Variants in PLXNC1 observed in about 807,000 individuals in gnomAD.
The protein encoded by PLXNC1 is plexin C1, also known as plexin-C1.
In PLXNC1, 75 loss-of-function variants were observed where a neutral mutation model predicts 178.2. That is an observed-to-expected ratio of 0.42 (90% CI 0.35 to 0.51). PLXNC1 has a LOEUF of 0.51. PLXNC1 is among the 20% of genes least tolerant of loss of function. The pLI is 0.02. For missense variants in PLXNC1, 1,503 were observed against 1,984.4 expected, an observed-to-expected ratio of 0.76 and a Z score of 4.61; for synonymous variants, 790 against 779.9, an observed-to-expected ratio of 1.01 and a Z score of -0.22.
At position 94,301,067 on chromosome 12, in the gene PLXNC1, A is replaced by T. The variant is rs1476887903; in HGVS notation, c.4386+10A>T. On this transcript the variant is annotated intron_variant, in intron 28 of 30. Coordinates refer to ENST00000258526, the MANE Select transcript of PLXNC1 (RefSeq NM_005761.3). ...GCAGCAACTAGGGAAGGTAAGGCCC[A>T]GCTTGAGTATTTCTTGTATGCAGTC... The T allele has an allele frequency of 6.2e-7, 1 of 1,613,056 alleles. No homozygotes were observed. Among genetic ancestry groups the T allele is most frequent in the Admixed American group, 1.7e-5 (1 of 59,976 alleles).
intron 23 of PLXNC1, among the ~76,000 whole-genome samples, chr12:94,289,370 C>T (rs1967043793): frequency 1.3e-5 from 2 of 152,210 alleles, no homozygotes; most frequent in Admixed American, 1.3e-4. Context: ...CGCTTGTTGT[C>T]ACATCGAATC....
chr12:94,298,913 T>G (rs1454706935), intron 27 of PLXNC1, 118 bp downstream of exon 27: 2 of 979,552 alleles, frequency 2.0e-6, no homozygotes, highest in Non-Finnish European at 3.0e-6. Flanking sequence ...ATCTTTGGGC[T>G]TGGTAAGCTA....
intron 5 of PLXNC1, among the ~76,000 whole-genome samples, chr12:94,213,499 C>T (rs1417442236): frequency 2.0e-5 from 3 of 151,992 alleles, no homozygotes; most frequent in South Asian, 2.1e-4. Flanking sequence ...TTGATGGGGT[C>T]GTTTGCTTTT....
Position 94,240,476 on chromosome 12 carries a change from C to T in PLXNC1, c.2121-9C>T. 1.2e-6 allele frequency: 2 copies of T among 1,607,862 alleles called. No individual in the cohort carries two copies. The highest frequency in any genetic ancestry group is 1.1e-5 in the South Asian group (1 of 90,354). On this transcript the variant is annotated splice_polypyrimidine_tract_variant and intron_variant, in intron 10 of 30. Coordinates refer to ENST00000258526, the MANE Select transcript of PLXNC1 (RefSeq NM_005761.3). Reference sequence around the variant, plus strand: ...GTCATGTGAGAGTTCTTTTTCTACTCTTTTCTAGGATACAGGTTAGCCATG... The same window carrying T: ...GTCATGTGAGAGTTCTTTTTCTACTTTTTTCTAGGATACAGGTTAGCCATG...
At position 94,208,113 on chromosome 12, in the gene PLXNC1, A is replaced by G. The variant is rs1008787954; in HGVS notation, c.1440-1477A>G. ...CTCTCTGACATTGACAGGCGGTTTA[A>G]TTTGAACTTAATGTCTTTGACGGAT... On this transcript the variant is annotated intron_variant, in intron 4 of 30. Transcript: ENST00000258526. Among the ~76,000 whole-genome samples, 6 of 152,306 alleles carry G rather than the reference A, an allele frequency of 3.9e-5. No individual in the cohort carries two copies. The East Asian group carries it at 1.2e-3, about 29-fold the overall frequency.
intron 21 of PLXNC1, among the ~76,000 whole-genome samples, chr12:94,268,909 T>C (rs1194896349): frequency 6.6e-6 from 1 of 152,184 alleles, no homozygotes; most frequent in African/African-American, 2.4e-5. Context: ...ATAAGACCTA[T>C]TGCTCTGCTG....
At chr12:94,186,901 A>T (rs1032453675) in intron 4 of PLXNC1, 1 of 169,014 alleles carries the variant, frequency 5.9e-6, no homozygotes, top group South Asian at 1.4e-4. Flanking sequence ...AAGCCTCGTT[A>T]TTGATGGCGC....
rs759174100 is a variant in PLXNC1, at chr12:94,181,441, A to T, written c.1204-5A>T. 2.0e-6 allele frequency: 3 copies of T among 1,527,222 alleles called. No homozygotes were observed. The highest frequency in any genetic ancestry group is 2.7e-6 in the Non-Finnish European group (3 of 1,125,734). The allele number at this position is 1,527,222 out of a possible 1,614,324, so 94.6% of individuals were successfully genotyped here. A position where few individuals can be genotyped will look rare whatever the true frequency, so the allele number is the denominator to read the frequency against. ...CATGTTTCTCTTTTTGAAAAAAAAAAATAGGTTATTCTTGGTGAGAATTTG... is the reference window on the plus strand; with the variant it reads ...CATGTTTCTCTTTTTGAAAAAAAAATATAGGTTATTCTTGGTGAGAATTTG... On this transcript the variant is annotated splice_polypyrimidine_tract_variant and splice_region_variant and intron_variant, in intron 2 of 30. Transcript: ENST00000258526.
At chr12:94,202,149 G>A (rs1386554956) in intron 4 of PLXNC1, among the ~76,000 whole-genome samples, 1 of 152,014 alleles carries the variant, frequency 6.6e-6, no homozygotes, top group African/African-American at 2.4e-5. Flanking sequence ...GTCTAAAGTG[G>A]GTTCCTTTCT....
chr12:94,279,816 GTC>G (rs1469598933), intron 22 of PLXNC1, 167 bp downstream of exon 22: 1 of 719,136 alleles, frequency 1.4e-6, no homozygotes, highest in South Asian at 1.5e-5. Flanking sequence ...GACTGCTTTG[GTC>G]TCTCATGGGC....
chr12:94,207,238 A>G (rs1472420508), intron 4 of PLXNC1, among the ~76,000 whole-genome samples: 1 of 152,030 alleles, frequency 6.6e-6, no homozygotes, highest in African/African-American at 2.4e-5. Context: ...TTTTTTATAT[A>G]TATATAAAAA....
At chr12:94,297,076 G>A in intron 24 of PLXNC1, 113 bp from the exon 25 acceptor site, 1 of 988,152 alleles carries the variant, frequency 1.0e-6, no homozygotes, top group South Asian at 1.4e-5. Flanking sequence ...AAGTCAAAAA[G>A]CTCAAGTAAC....
intron 12 of PLXNC1, among the ~76,000 whole-genome samples, chr12:94,246,218 G>A (rs1447763664): frequency 6.6e-6 from 1 of 152,228 alleles, no homozygotes; most frequent in East Asian, 1.9e-4. Flanking sequence ...GCACAGCTGA[G>A]TTTGGAGAGG....
intron 27 of PLXNC1, among the ~76,000 whole-genome samples, chr12:94,300,002 TG>T (rs1410317094): frequency 6.6e-6 from 1 of 152,018 alleles, no homozygotes; most frequent in African/African-American, 2.4e-5. Flanking sequence ...TAGCAGCATA[TG>T]GGGGAGGTAA....
At chr12:94,301,343 G>T (rs1207140548) in intron 28 of PLXNC1, among the ~76,000 whole-genome samples, 3 of 152,056 alleles carry the variant, frequency 2.0e-5, no homozygotes, top group Admixed American at 6.6e-5. Context: ...AATATTCTAT[G>T]GACACTGATA....
intron 15 of PLXNC1, among the ~76,000 whole-genome samples, chr12:94,254,265 A>G (rs751929862): frequency 6.6e-6 from 1 of 152,184 alleles, no homozygotes; most frequent in Non-Finnish European, 1.5e-5. Flanking sequence ...AGCAATATGG[A>G]GGTATGGGAG....
chr12:94,249,583 C>G (rs886438342), intron 14 of PLXNC1, among the ~76,000 whole-genome samples: 2 of 151,982 alleles, frequency 1.3e-5, no homozygotes, highest in Non-Finnish European at 2.9e-5. Context: ...AGAGACAACT[C>G]AAGCCTATAA....
At chr12:94,278,022 C>T (rs1334704731) in intron 21 of PLXNC1, 1 of 456,074 alleles carries the variant, frequency 2.2e-6, no homozygotes, top group South Asian at 1.5e-5. Flanking sequence ...CTAGTGTCCA[C>T]AGTACTTGGG....
At chr12:94,212,908 A>G (rs551487106) in intron 5 of PLXNC1, among the ~76,000 whole-genome samples, 4 of 151,870 alleles carry the variant, frequency 2.6e-5, no homozygotes, top group African/African-American at 9.7e-5. Context: ...TTTAGTAGAG[A>G]TGGGGTTTCA....
Sources: allele counts gnomAD v4.1 joint callset (sites outside exome capture counted in the v4.1 genomes callset), GRCh38; gene constraint gnomAD v4.1.1; transcripts MANE v1.5; gene names NCBI Gene and HGNC (gene_info 2026-07-23, HGNC 2026-07-21).